Variants in MTUS2 observed in about 807,000 individuals in gnomAD.
MTUS2 encodes microtubule-associated tumor suppressor candidate 2.
MTUS2 carries 40 observed loss-of-function variants against 114.1 expected under a neutral mutation model. The observed-to-expected ratio is 0.35, with a 90% CI of 0.27 to 0.46. The LOEUF is 0.46. Among genes scored for constraint, MTUS2 ranks in the 20% least tolerant of loss-of-function variants. The probability of loss-of-function intolerance (pLI) is 1.00; values close to 1 mark genes in which losing one functional copy is unlikely to be tolerated. For synonymous variants in MTUS2, 688 were observed against 672.0 expected, an observed-to-expected ratio of 1.02 and a Z score of -0.37; for missense variants, 1,679 against 1,705.4, an observed-to-expected ratio of 0.98 and a Z score of 0.27.
chr13:29,030,265 A>G (rs1157749466), intron 3 of MTUS2, among the ~76,000 whole-genome samples: 1 of 152,168 alleles, frequency 6.6e-6, no homozygotes, highest in African/African-American at 2.4e-5. Flanking sequence ...GGCGGTTCTG[A>G]GGGGTTCAGA....
chr13:29,002,044 T>C (rs1036605820), intron 2 of MTUS2, among the ~76,000 whole-genome samples: 2 of 152,226 alleles, frequency 1.3e-5, no homozygotes, highest in African/African-American at 4.8e-5. Context: ...GCCATGACTT[T>C]TGTTTTTTAA....
intron 2 of MTUS2, among the ~76,000 whole-genome samples, chr13:28,918,748 TC>T (rs1477074969): frequency 6.6e-6 from 1 of 152,086 alleles, no homozygotes; most frequent in African/African-American, 2.4e-5. Context: ...TTTGTGGTCT[TC>T]CTTCTTTCCT....
intron 2 of MTUS2, among the ~76,000 whole-genome samples, chr13:28,935,921 A>G (rs1881877818): frequency 6.6e-6 from 1 of 151,878 alleles, no homozygotes; most frequent in African/African-American, 2.4e-5. Context: ...TAATTTTTAA[A>G]CTTTTTGTAG....
chr13:29,214,605 T>C (rs1010075450), intron 5 of MTUS2, among the ~76,000 whole-genome samples: 20 of 152,216 alleles, frequency 1.3e-4, no homozygotes, highest in African/African-American at 3.9e-4. Flanking sequence ...ATTTTATTTC[T>C]CCTTCACTTA....
chr13:29,350,275 G>A (rs1205237857), intron 7 of MTUS2, among the ~76,000 whole-genome samples: 4 of 151,134 alleles, frequency 2.6e-5, no homozygotes, highest in East Asian at 3.9e-4. Context: ...CTGGAGGCTC[G>A]GGAGAAATAT....
intron 2 of MTUS2, among the ~76,000 whole-genome samples, chr13:28,872,419 C>CGTATTAGGT (rs1242496743): frequency 6.6e-6 from 1 of 152,044 alleles, no homozygotes; most frequent in Non-Finnish European, 1.5e-5. Context: ...GACTGAGATC[C>CGTATTAGGT]GTATTAGGTG....
intron 5 of MTUS2, among the ~76,000 whole-genome samples, chr13:29,248,212 G>A (rs1348618034): frequency 3.4e-5 from 5 of 145,230 alleles, no homozygotes; most frequent in Admixed American, 6.8e-5. Flanking sequence ...ATGCAAAGGT[G>A]TAAGAATAAT....
At chr13:29,331,639 T>G (rs1030853843) in intron 7 of MTUS2, among the ~76,000 whole-genome samples, 2 of 152,222 alleles carry the variant, frequency 1.3e-5, no homozygotes, top group African/African-American at 4.8e-5. Context: ...CTTGTGCCAG[T>G]TTTCAAAGGG....
At chr13:29,110,661 A>G (rs1204369293) in intron 5 of MTUS2, among the ~76,000 whole-genome samples, 1 of 152,150 alleles carries the variant, frequency 6.6e-6, no homozygotes, top group Non-Finnish European at 1.5e-5. Context: ...ACATTTACAA[A>G]GGAGAACATT....
chr13:28,820,231 G>C (rs1489830312), upstream of MTUS2: 1 of 146,820 alleles, frequency 6.8e-6, no homozygotes, highest in Non-Finnish European at 1.5e-5. Flanking sequence ...TCCGGTCCCC[G>C]GCTGCGCCCC....
At chr13:29,491,072 G>A (rs1422067373) in intron 11 of MTUS2, among the ~76,000 whole-genome samples, 1 of 150,168 alleles carries the variant, frequency 6.7e-6, no homozygotes, top group South Asian at 2.1e-4. Flanking sequence ...TGGGGATGTG[G>A]GAGTGTGTGT....
chr13:29,314,556 G>T (rs190202065), intron 6 of MTUS2, among the ~76,000 whole-genome samples: 217 of 152,286 alleles, frequency 1.4e-3, no homozygotes, highest in African/African-American at 5.0e-3. Flanking sequence ...GCTGTAATAA[G>T]AAGTTACTGA....
At chr13:29,234,068 G>A (rs1419499537) in intron 5 of MTUS2, among the ~76,000 whole-genome samples, 2 of 152,154 alleles carry the variant, frequency 1.3e-5, no homozygotes, top group Non-Finnish European at 2.9e-5. Flanking sequence ...TTGCCCTGCA[G>A]TACATAAATT....
At chr13:29,328,500 G>C (rs1900624283) in intron 7 of MTUS2, among the ~76,000 whole-genome samples, 1 of 152,328 alleles carries the variant, frequency 6.6e-6, no homozygotes, top group Admixed American at 6.5e-5. Flanking sequence ...TTGACGGTTG[G>C]GATAGTTAAG....
chr13:29,353,073 C>T (rs1303593587), intron 7 of MTUS2, among the ~76,000 whole-genome samples: 1 of 152,182 alleles, frequency 6.6e-6, no homozygotes, highest in Non-Finnish European at 1.5e-5. Context: ...TGCATCTTCT[C>T]ATTATGGGTT....
At chr13:28,946,180 T>C (rs532478282) in intron 2 of MTUS2, among the ~76,000 whole-genome samples, 1 of 152,292 alleles carries the variant, frequency 6.6e-6, no homozygotes. Flanking sequence ...AAGCTAGAAG[T>C]AACTAGCATG....
At chr13:29,430,503 T>G (rs1876908351) in intron 8 of MTUS2, among the ~76,000 whole-genome samples, 1 of 152,178 alleles carries the variant, frequency 6.6e-6, no homozygotes, top group Non-Finnish European at 1.5e-5. Context: ...TACAAATTAT[T>G]TTTTACTGAT....
intron 2 of MTUS2, among the ~76,000 whole-genome samples, chr13:28,899,748 C>A (rs1319907914): frequency 1.3e-5 from 2 of 152,048 alleles, no homozygotes; most frequent in African/African-American, 4.8e-5. Context: ...CATTTTCTCT[C>A]TGTCACTTTC....
chr13:29,372,272 G>C (rs1425672334), intron 8 of MTUS2, among the ~76,000 whole-genome samples: 5 of 151,738 alleles, frequency 3.3e-5, no homozygotes, highest in Admixed American at 3.3e-4. Flanking sequence ...AGCACCAACA[G>C]ACCAAAATAT....
Sources: gnomAD v4.1 joint callset for allele counts (sites outside exome capture counted in the v4.1 genomes callset) on GRCh38, gnomAD v4.1.1 for gene constraint, MANE v1.5 for transcripts, NCBI Gene and HGNC (gene_info 2026-07-23, HGNC 2026-07-21) for gene names.